The following CDC20 variants were observed in gnomAD, a reference collection of about 807,000 sequenced individuals.
The protein encoded by CDC20 is cell division cycle 20.
Under a neutral mutation model 60.0 loss-of-function variants are expected in CDC20, and 34 were observed. The ratio of observed to expected loss-of-function variants is 0.57; its 90% CI spans 0.43 to 0.75. The LOEUF (loss-of-function observed/expected upper bound fraction) is 0.75. Ranked by LOEUF, CDC20 falls within the 30% of genes least tolerant of loss-of-function variation. CDC20 has a pLI of 0.00. For synonymous variants in CDC20, 198 were observed against 243.5 expected, an observed-to-expected ratio of 0.81 and a Z score of 1.74; for missense variants, 469 against 647.3, an observed-to-expected ratio of 0.72 and a Z score of 2.99.
At chr1:43,362,035 G>A (rs1199991018) in intron 9 of CDC20, among the ~76,000 whole-genome samples, 160 bp from the exon 10 acceptor site, 2 of 152,228 alleles carry the variant, frequency 1.3e-5, no homozygotes, top group Admixed American at 6.5e-5. Flanking sequence ...TTACATCAGC[G>A]AGTGTCTATA....
At chr1:43,359,462 C>G (rs1647160429) in intron 2 of CDC20, 28 bp from the exon 3 acceptor site, 13 of 1,613,628 alleles carry the variant, frequency 8.1e-6, no homozygotes, top group African/African-American at 1.3e-5. Context: ...GGAGCCTGGT[C>G]AGACTGTCTT....
Position 43,360,293 on chromosome 1 carries a change from T to C in CDC20, c.657T>C (p.Leu219=). 1 of 1,614,180 alleles carries C rather than the reference T, an allele frequency of 6.2e-7. No homozygotes were observed. Among genetic ancestry groups the C allele is most frequent in the African/African-American group, 1.3e-5 (1 of 75,040 alleles). ...CAAGCTCTGGTGACATCCTGCAGCTTTTGCAAATGGAGCAGCCTGGGGAAT... is the reference window on the plus strand; with the variant it reads ...CAAGCTCTGGTGACATCCTGCAGCTCTTGCAAATGGAGCAGCCTGGGGAAT... The part of the protein sequence containing the change: ...WSASSGDILQ[L]LQMEQPGEYI... The change falls in exon 6 of 11, where the codon CTT becomes CTC. Residue 219 remains leucine (L), a synonymous_variant. Coordinates refer to ENST00000310955, the MANE Select transcript of CDC20 (RefSeq NM_001255.3).
rs775826244 is a variant in CDC20, at chr1:43,363,070, C to T, written c.1441C>T (p.Arg481Trp). ...TTTTGAGTTGGACCCTGCGCGGCGGCGGGAGCGGGAGAAGGCCAGTGCAGC... is the reference window on the plus strand; with the variant it reads ...TTTTGAGTTGGACCCTGCGCGGCGGTGGGAGCGGGAGAAGGCCAGTGCAGC... ...RCFELDPARRREREKASAAKS... is the reference protein window; with the variant it reads ...RCFELDPARRWEREKASAAKS... Residue 481 changes from arginine (R) to tryptophan (W), a missense_variant, in exon 11 of 11, where the codon CGG becomes TGG. Arg to Trp is a moderately radical substitution (Grantham distance 101). Transcript: ENST00000310955. The T allele has an allele frequency of 1.1e-5, 17 of 1,613,346 alleles. No individual in the cohort carries two copies. Among genetic ancestry groups the T allele is most frequent in the East Asian group, 4.5e-5 (2 of 44,856 alleles).
At chr1:43,359,118 G>A (rs941849757) in intron 1 of CDC20, 49 bp from the exon 2 acceptor site, 4 of 1,294,354 alleles carry the variant, frequency 3.1e-6, no homozygotes, top group Admixed American at 1.8e-5. Context: ...GGCCAGGAGC[G>A]AAGGGGTCCC....
Position 43,360,881 on chromosome 1 carries a change from G to A in CDC20, c.997G>A (p.Val333Ile), listed in dbSNP as rs756714435. ...GGCCAGTGGTGGTAATGATAACTTG[G>A]TCAATGTGTGGCCTAGTGCTCCTGG... ...HLASGGNDNL[V>I]NVWPSAPGEG... is the part of the protein sequence containing the mutation. Residue 333 changes from valine to isoleucine, a missense_variant, in exon 8 of 11, where the codon GTC becomes ATC. Around this residue, in one of 5 missense-constraint regions of CDC20, gnomAD observed 255 missense variants for 326.7 expected, o/e 0.78. Coordinates refer to ENST00000310955, the MANE Select transcript of CDC20 (RefSeq NM_001255.3). 1 of 1,614,156 alleles carries A rather than the reference G, an allele frequency of 6.2e-7. No individual in the cohort carries two copies. Among genetic ancestry groups the A allele is most frequent in the Admixed American group, 1.7e-5 (1 of 60,028 alleles).
In CDC20 at chr1:43,360,010, A is replaced by C. The variant is rs201827674; in HGVS notation, c.469A>C (p.Thr157Pro). 20 of 1,613,624 alleles carry C rather than the reference A, an allele frequency of 1.2e-5. No individual in the cohort carries two copies. Among genetic ancestry groups the C allele is most frequent in the Non-Finnish European group, 1.7e-5 (20 of 1,179,902 alleles). The stretch of plus-strand genomic sequence containing the variant: ...GAAAGTACTCTACAGCCAAAAGGCC[A>C]CTCCTGGCTCCAGCCGGAAGACCTG... Reference protein sequence around the residue: ...RLKVLYSQKATPGSSRKTCRY... With the variant: ...RLKVLYSQKAPPGSSRKTCRY... Residue 157 changes from threonine (T) to proline (P), a missense_variant, in exon 5 of 11, where the codon ACT (threonine) becomes CCT (proline). Around this residue, in one of 5 missense-constraint regions of CDC20, gnomAD observed 255 missense variants for 326.7 expected, o/e 0.78. Transcript: ENST00000310955.
intron 9 of CDC20, 68 bp downstream of exon 9, chr1:43,361,313 G>T (rs1022566971): frequency 1.4e-6 from 2 of 1,439,042 alleles, no homozygotes; most frequent in Non-Finnish European, 1.9e-6. Context: ...CACTCCAATG[G>T]CTTCACCAAC....
chr1:43,361,010 G>C, intron 8 of CDC20, 49 bp downstream of exon 8: 2 of 1,593,366 alleles, frequency 1.3e-6, no homozygotes, highest in Non-Finnish European at 1.7e-6. Flanking sequence ...CTATAATCTG[G>C]GGACTGTTAA....
At chr1:43,360,702 C>T (rs1277709440) in intron 7 of CDC20, 31 bp from the exon 8 acceptor site, 20 of 1,598,852 alleles carry the variant, frequency 1.3e-5, no homozygotes, top group Non-Finnish European at 1.6e-5. Context: ...GGTGCTGCCA[C>T]AGAACCTGAT....
chr1:43,360,013 C>A lies in CDC20; in HGVS notation c.472C>A (p.Pro158Thr). 6.2e-7 allele frequency: 1 copy of A among 1,614,118 alleles called. No individual in the cohort carries two copies. The highest frequency in any genetic ancestry group is 1.7e-5 in the Admixed American group (1 of 60,030). Residue 158 changes from proline (P) to threonine (T), a missense_variant, in exon 5 of 11, where the codon CCT (proline) becomes ACT (threonine). Physicochemically the swap from Pro to Thr is conservative, Grantham distance 38. Transcript: ENST00000310955. Reference sequence around the variant, plus strand: ...AGTACTCTACAGCCAAAAGGCCACTCCTGGCTCCAGCCGGAAGACCTGCCG... The same window carrying A: ...AGTACTCTACAGCCAAAAGGCCACTACTGGCTCCAGCCGGAAGACCTGCCG... ...LKVLYSQKAT[P>T]GSSRKTCRYI...
Position 43,360,968 on chromosome 1 carries a change from AG to A in CDC20, c.1077+10del, listed in dbSNP as rs1647170208. On this transcript the variant is annotated splice_region_variant and intron_variant, in intron 8 of 10. Coordinates refer to ENST00000310955, the MANE Select transcript of CDC20 (RefSeq NM_001255.3). ...GCATCAAGGGGCTGTCAAGGTGAGT[AG>A]GGTTGGGCTGAAGCCTCTGCAGACC... 6.2e-7 allele frequency: 1 copy of A among 1,610,700 alleles called. No individual in the cohort carries two copies. Among genetic ancestry groups the A allele is most frequent in the South Asian group, 1.1e-5 (1 of 91,024 alleles).
At position 43,359,428 on chromosome 1, in the gene CDC20, G is replaced by A; in HGVS notation, c.181+32G>A. 3 of 1,612,858 alleles carry A rather than the reference G, an allele frequency of 1.9e-6. No homozygotes were observed. The South Asian group carries it at 3.3e-5, about 18-fold the overall frequency. Reference sequence around the variant, plus strand: ...GAGGTGCCAAAGGAACTGAGTGAGAGCAGCCTTCATACTTTCTCCCTGGGG... The same window carrying A: ...GAGGTGCCAAAGGAACTGAGTGAGAACAGCCTTCATACTTTCTCCCTGGGG... On this transcript the variant is annotated intron_variant, in intron 2 of 10. Transcript: ENST00000310955.
chr1:43,360,431 G>A (rs1271042015), intron 6 of CDC20, 42 bp downstream of exon 6: 1 of 1,609,472 alleles, frequency 6.2e-7, no homozygotes. Flanking sequence ...AGTCCCAATG[G>A]GCTTGCACAG....
intron 10 of CDC20, among the ~76,000 whole-genome samples, chr1:43,362,686 A>G (rs555298040): frequency 1.3e-5 from 2 of 152,256 alleles, no homozygotes; most frequent in East Asian, 3.9e-4. Context: ...AACATGGTGA[A>G]GCCCTGTCTC....
intron 9 of CDC20, among the ~76,000 whole-genome samples, chr1:43,361,693 G>A (rs1482114807): frequency 3.9e-5 from 6 of 152,148 alleles, no homozygotes; most frequent in Non-Finnish European, 8.8e-5. Context: ...GTTATCTCCT[G>A]CAATGCATCC....
At position 43,359,196 on chromosome 1, in the gene CDC20, C is replaced by T. The variant is rs753925509; in HGVS notation, c.-20C>T. The T allele has an allele frequency of 8.1e-6, 13 of 1,611,272 alleles. No homozygotes were observed. Among genetic ancestry groups the T allele is most frequent in the Non-Finnish European group, 1.1e-5 (13 of 1,179,798 alleles). On this transcript the variant is annotated 5_prime_UTR_variant, in exon 2 of 11. Transcript: ENST00000310955. ...CCGTAGGCACCAACTGCAAGGACCC[C>T]TCCCCCTGCGGGCGCTCCCATGGCA...
Position 43,359,194 on chromosome 1 carries a change from C to T in CDC20, c.-22C>T, listed in dbSNP as rs1051097. ...CTCCGTAGGCACCAACTGCAAGGACCCCTCCCCCTGCGGGCGCTCCCATGG... is the reference window on the plus strand; with the variant it reads ...CTCCGTAGGCACCAACTGCAAGGACTCCTCCCCCTGCGGGCGCTCCCATGG... On this transcript the variant is annotated 5_prime_UTR_variant, in exon 2 of 11. Transcript: ENST00000310955. 0.036 allele frequency: 57,603 copies of T among 1,611,030 alleles called. 1,359 individuals carry two copies. The highest frequency in any genetic ancestry group is 0.11 in the African/African-American group (7,884 of 74,932).
At position 43,359,267 on chromosome 1, in the gene CDC20, G is replaced by T; in HGVS notation, c.52G>T (p.Ala18Ser). 1 of 1,611,990 alleles carries T rather than the reference G, an allele frequency of 6.2e-7. No homozygotes were observed. Among genetic ancestry groups the T allele is most frequent in the Middle Eastern group, 2.1e-4 (1 of 4,836 alleles). The part of the protein sequence containing the change: ...SDLHSLLQLD[A>S]PIPNAPPARW... The stretch of plus-strand genomic sequence containing the variant: ...CCTGCACTCGCTGCTTCAGCTGGAT[G>T]CACCCATCCCCAATGCACCCCCTGC... Residue 18 changes from alanine (A) to serine (S), a missense_variant, in exon 2 of 11, where the codon GCA becomes TCA. Physicochemically the swap from Ala to Ser is moderately conservative, Grantham distance 99 (BLOSUM62 1). This residue lies in a region of CDC20 where 115 missense variants were observed against 156.1 expected (regional missense o/e 0.74). Transcript: ENST00000310955.
intron 10 of CDC20, 118 bp from the exon 11 acceptor site, chr1:43,362,833 C>T: frequency 4.0e-6 from 3 of 744,284 alleles, no homozygotes; most frequent in South Asian, 3.9e-5. Flanking sequence ...CCACTGCACT[C>T]CAGCCTGGGT....
Sources: gnomAD v4.1 joint callset for allele counts (sites outside exome capture counted in the v4.1 genomes callset) on GRCh38, gnomAD v4.1.1 for gene constraint, gnomAD v4.1.1 regional missense constraint, MANE v1.5 for transcripts, NCBI Gene and HGNC (gene_info 2026-07-23, HGNC 2026-07-21) for gene names.